Variants in PLA2G4A observed in about 807,000 individuals in gnomAD.
PLA2G4A encodes the protein cytosolic phospholipase A2.
A neutral mutation model predicts 81.9 loss-of-function variants in PLA2G4A; 40 were observed. The ratio of observed to expected loss-of-function variants is 0.49; its 90% CI spans 0.38 to 0.64. The LOEUF (loss-of-function observed/expected upper bound fraction) is 0.64, where lower values mean the gene tolerates loss of function less well. Ranked by LOEUF, PLA2G4A falls within the 30% of genes least tolerant of loss-of-function variation. The pLI is 0.00. For synonymous variants in PLA2G4A, 302 were observed against 296.9 expected, an observed-to-expected ratio of 1.02 and a Z score of -0.18; for missense variants, 715 against 905.1, an observed-to-expected ratio of 0.79 and a Z score of 2.69.
At chr1:186,882,507 G>A (rs2102084171) in intron 3 of PLA2G4A, among the ~76,000 whole-genome samples, 1 of 152,266 alleles carries the variant, frequency 6.6e-6, no homozygotes, top group South Asian at 2.1e-4. Context: ...TGTGTGGAAT[G>A]TTTGAAATGT....
At chr1:186,934,461 T>TATATATATATATATATATAC (rs1553216883) in intron 8 of PLA2G4A, among the ~76,000 whole-genome samples, 1 of 137,688 alleles carries the variant, frequency 7.3e-6, no homozygotes, top group South Asian at 2.3e-4. Flanking sequence ...TATATATATA[T>TATATATATATATATATATAC]ATACATACAC....
chr1:186,982,800 C>A (rs548690444), intron 17 of PLA2G4A, among the ~76,000 whole-genome samples: 1 of 152,014 alleles, frequency 6.6e-6, no homozygotes, highest in African/African-American at 2.4e-5. Context: ...TTTTTGGGGC[C>A]GGGCGCCGTG....
intron 17 of PLA2G4A, among the ~76,000 whole-genome samples, chr1:186,981,028 G>T (rs978388038): frequency 2.6e-5 from 4 of 152,086 alleles, no homozygotes; most frequent in Admixed American, 2.0e-4. Context: ...GAGAAAAAAT[G>T]ATTAATCTCT....
At position 186,835,650 on chromosome 1, in the gene PLA2G4A, G is replaced by A. The variant is rs74137520; in HGVS notation, c.-70+6615G>A. Among the ~76,000 whole-genome samples, 1,417 of 152,230 alleles carry A rather than the reference G, an allele frequency of 9.3e-3. 24 individuals are homozygous for A. The highest frequency in any genetic ancestry group is 0.033 in the African/African-American group (1,354 of 41,560). On this transcript the variant is annotated intron_variant, in intron 1 of 17. Transcript: ENST00000367466. ...GTGGATGAATTTTAAATTTGCTGAC[G>A]TCATGAACTTAGATCTCAAAGAGAG...
chr1:186,958,861 G>A (rs1656846760), intron 14 of PLA2G4A, among the ~76,000 whole-genome samples: 1 of 152,152 alleles, frequency 6.6e-6, no homozygotes. Context: ...GGGGTTACCA[G>A]ATAAAATACA....
intron 3 of PLA2G4A, among the ~76,000 whole-genome samples, chr1:186,882,385 CT>C (rs537983710): frequency 4.0e-4 from 61 of 152,236 alleles, no homozygotes; most frequent in African/African-American, 1.4e-3. Flanking sequence ...AGAACAACAA[CT>C]TGAATAAACT....
chr1:186,985,605 A>ATT (rs1468067787), intron 17 of PLA2G4A, among the ~76,000 whole-genome samples: 24 of 152,112 alleles, frequency 1.6e-4, no homozygotes, highest in African/African-American at 5.6e-4. Context: ...ACCTCTACAA[A>ATT]TTTGTTTCTT....
At position 186,911,345 on chromosome 1, in the gene PLA2G4A, C is replaced by T; in HGVS notation, c.514C>T (p.Leu172Phe). ...KEHIRESMKK[L>F]LGPKNSEGLH... ...ACACATAAGGGAGAGCATGAAGAAACTCTTGGGTCCAAAGAATAGTGAAGG... is the reference window on the plus strand; with the variant it reads ...ACACATAAGGGAGAGCATGAAGAAATTCTTGGGTCCAAAGAATAGTGAAGG... The change falls in exon 7 of 18, where the codon CTC becomes TTC. Residue 172 changes from leucine to phenylalanine, a missense_variant. Leu to Phe is a conservative substitution (Grantham distance 22, BLOSUM62 0). Transcript: ENST00000367466. The T allele has an allele frequency of 2.5e-6, 4 of 1,611,530 alleles. No homozygotes were observed. The highest frequency in any genetic ancestry group is 3.4e-6 in the Non-Finnish European group (4 of 1,177,576).
At chr1:186,951,048 G>C (rs1234301893) in intron 13 of PLA2G4A, among the ~76,000 whole-genome samples, 4 of 152,174 alleles carry the variant, frequency 2.6e-5, no homozygotes. Context: ...TGGTTACTGT[G>C]ATTTGGGAAC....
intron 8 of PLA2G4A, among the ~76,000 whole-genome samples, chr1:186,938,135 G>A (rs915317734): frequency 4.5e-4 from 68 of 152,160 alleles, no homozygotes; most frequent in African/African-American, 1.6e-3. Flanking sequence ...CCAGACATTA[G>A]CTAGTCACTG....
chr1:186,860,873 T>C (rs1652772411), intron 2 of PLA2G4A, among the ~76,000 whole-genome samples: 1 of 152,200 alleles, frequency 6.6e-6, no homozygotes, highest in Admixed American at 6.6e-5. Context: ...TTCTCAGCCA[T>C]TTTTTATACT....
At chr1:186,897,463 C>T (rs72709849) in intron 5 of PLA2G4A, among the ~76,000 whole-genome samples, 39,377 of 151,772 alleles carry the variant, frequency 0.26, 5,576 homozygotes, top group Admixed American at 0.4. Flanking sequence ...AATTCTATGA[C>T]CTAGAAAGAA....
chr1:186,886,795 T>C (rs1653952070), intron 3 of PLA2G4A, among the ~76,000 whole-genome samples: 1 of 152,174 alleles, frequency 6.6e-6, no homozygotes. Context: ...ATCTAGTCTA[T>C]GGGCAGAATA....
At chr1:186,967,736 G>T (rs1226759361) in intron 15 of PLA2G4A, among the ~76,000 whole-genome samples, 2 of 152,102 alleles carry the variant, frequency 1.3e-5, no homozygotes, top group Admixed American at 1.3e-4. Flanking sequence ...ATGGCAATGA[G>T]CACATCTAAG....
At chr1:186,910,821 C>T (rs1329186121) in intron 6 of PLA2G4A, among the ~76,000 whole-genome samples, 1 of 152,114 alleles carries the variant, frequency 6.6e-6, no homozygotes, top group African/African-American at 2.4e-5. Context: ...CCTCAGAATG[C>T]TGGCTCTTTG....
chr1:186,913,060 G>T lies in PLA2G4A; in HGVS notation c.558+1671G>T, dbSNP rs531779318. On this transcript the variant is annotated intron_variant, in intron 7 of 17. Transcript: ENST00000367466. ...ATTAATAAATGCAGGCAAATGTGAT[G>T]GGGAGAAAAAAGAAAATATTCCAAA... is the stretch of plus-strand genomic sequence containing the variant. Among the ~76,000 whole-genome samples the T allele has an allele frequency of 2.8e-4, 36 of 129,826 alleles. No individual in the cohort carries two copies. In the South Asian group the frequency reaches 9.1e-3, roughly 33 times the overall value. 85.2% of individuals were successfully genotyped at this position (129,826 alleles called of 152,430 possible). A position where few individuals can be genotyped will look rare whatever the true frequency, so the allele number is the denominator to read the frequency against.
chr1:186,954,157 C>T (rs186771481), intron 13 of PLA2G4A, among the ~76,000 whole-genome samples: 4 of 152,154 alleles, frequency 2.6e-5, no homozygotes, highest in East Asian at 3.9e-4. Context: ...TTTATGGTGG[C>T]GCTATTCATA....
At chr1:186,970,974 A>C (rs1657338359) in intron 15 of PLA2G4A, among the ~76,000 whole-genome samples, 1 of 151,634 alleles carries the variant, frequency 6.6e-6, no homozygotes, top group Non-Finnish European at 1.5e-5. Context: ...TAGGGATTGC[A>C]TTGGATCTGT....
At chr1:186,894,253 TAA>T (rs2307193) in intron 5 of PLA2G4A, 42 bp downstream of exon 5, 301,534 of 800,814 alleles carry the variant, frequency 0.38, 59,753 homozygotes, top group Admixed American at 0.58. Flanking sequence ...TTATGTTAGA[TAA>T]AGTCTATTGA....
Sources: gnomAD v4.1 joint callset for allele counts (sites outside exome capture counted in the v4.1 genomes callset) on GRCh38, gnomAD v4.1.1 for gene constraint, MANE v1.5 for transcripts, NCBI Gene and HGNC (gene_info 2026-07-23, HGNC 2026-07-21) for gene names.